Variants in SPTLC2 observed in about 807,000 individuals in gnomAD.
The protein encoded by SPTLC2 is serine palmitoyltransferase long chain base subunit 2.
In SPTLC2, 21 loss-of-function variants were observed where a neutral mutation model predicts 62.0. That is an observed-to-expected ratio of 0.34 (90% CI 0.24 to 0.49). SPTLC2 has a LOEUF of 0.49. Among genes scored for constraint, SPTLC2 ranks in the 20% least tolerant of loss-of-function variants. SPTLC2 has a pLI of 0.99. For synonymous variants in SPTLC2, 261 were observed against 261.8 expected, an observed-to-expected ratio of 1.00 and a Z score of 0.03; for missense variants, 511 against 713.0, an observed-to-expected ratio of 0.72 and a Z score of 3.23.
intron 1 of SPTLC2, among the ~76,000 whole-genome samples, chr14:77,603,286 T>C (rs1026542628): frequency 2.6e-5 from 4 of 152,244 alleles, no homozygotes; most frequent in African/African-American, 9.6e-5. Context: ...TAATGTCTAA[T>C]GTGAACCACC....
chr14:77,567,579 G>A (rs576349937), intron 5 of SPTLC2, among the ~76,000 whole-genome samples: 1 of 152,322 alleles, frequency 6.6e-6, no homozygotes, highest in South Asian at 2.1e-4. Flanking sequence ...TCCATAGGAC[G>A]TGTAGTGATG....
At chr14:77,542,962 A>G (rs2079509234) in intron 9 of SPTLC2, among the ~76,000 whole-genome samples, 1 of 152,248 alleles carries the variant, frequency 6.6e-6, no homozygotes, top group Non-Finnish European at 1.5e-5. Context: ...AGGGCCCTCC[A>G]CAAAAGGCAG....
intron 2 of SPTLC2, among the ~76,000 whole-genome samples, chr14:77,587,759 AAATAAT>A (rs59005485): frequency 1.8e-4 from 26 of 145,104 alleles, no homozygotes; most frequent in Admixed American, 8.3e-4. Flanking sequence ...CTCTGTCTCA[AAATAAT>A]AATAATAATA....
At chr14:77,568,607 G>C (rs1418154192) in intron 5 of SPTLC2, among the ~76,000 whole-genome samples, 2 of 152,086 alleles carry the variant, frequency 1.3e-5, no homozygotes, top group African/African-American at 4.8e-5. Context: ...AGGAGATCAA[G>C]ACCATCTTGG....
chr14:77,583,334 G>A (rs1463503472), intron 2 of SPTLC2, among the ~76,000 whole-genome samples: 2 of 152,104 alleles, frequency 1.3e-5, no homozygotes, highest in Admixed American at 1.3e-4. Flanking sequence ...ACTACTTGCA[G>A]TTCCAGTTCT....
At chr14:77,516,572 C>G (rs1178042854) in intron 11 of SPTLC2, among the ~76,000 whole-genome samples, 1 of 151,756 alleles carries the variant, frequency 6.6e-6, no homozygotes, top group Non-Finnish European at 1.5e-5. Context: ...AGAAATTCAC[C>G]AGTAAAATTT....
chr14:77,592,838 G>A (rs1462327660), intron 2 of SPTLC2, among the ~76,000 whole-genome samples: 2 of 152,060 alleles, frequency 1.3e-5, no homozygotes, highest in African/African-American at 2.4e-5. Flanking sequence ...GGCTAGGCAC[G>A]GTGGCTCACT....
At chr14:77,577,150 T>C (rs2079720859) in intron 3 of SPTLC2, among the ~76,000 whole-genome samples, 1 of 137,352 alleles carries the variant, frequency 7.3e-6, no homozygotes. Flanking sequence ...AATCACCTTA[T>C]CTTACAGGAC....
chr14:77,536,448 A>G (rs2079471359), intron 9 of SPTLC2, among the ~76,000 whole-genome samples: 1 of 152,032 alleles, frequency 6.6e-6, no homozygotes, highest in Non-Finnish European at 1.5e-5. Flanking sequence ...ATTGAGATAT[A>G]TATCACGTGC....
At chr14:77,539,501 T>A (rs2079488755) in intron 9 of SPTLC2, among the ~76,000 whole-genome samples, 1 of 129,248 alleles carries the variant, frequency 7.7e-6, no homozygotes, top group Non-Finnish European at 1.7e-5. Flanking sequence ...TTTTTTTTTT[T>A]TTTTTGGAGA....
intron 1 of SPTLC2, among the ~76,000 whole-genome samples, chr14:77,603,814 G>C (rs113786592): frequency 6.6e-6 from 1 of 152,152 alleles, no homozygotes; most frequent in Non-Finnish European, 1.5e-5. Flanking sequence ...CTGCCCAGGA[G>C]TTATCACACT....
Position 77,512,379 on chromosome 14 carries a change from C to T in SPTLC2, c.1594G>A (p.Gly532Arg), listed in dbSNP as rs1381210162. 6.2e-7 allele frequency: 1 copy of T among 1,614,220 alleles called. No individual in the cohort carries two copies. The highest frequency in any genetic ancestry group is 2.2e-5 in the East Asian group (1 of 44,890). The change falls in exon 12 of 12, where the codon GGG becomes AGG. Residue 532 changes from glycine (G) to arginine (R), a missense_variant. By Grantham distance (125) the Gly-to-Arg change is moderately radical. Transcript: ENST00000216484. ...DTALKEIDEV[G>R]DLLQLKYSRH... The stretch of plus-strand genomic sequence containing the variant: ...GAATACTTCAGCTGCAATAGGTCCC[C>T]AACTTCATCTATCTCCTTTAAAGCC...
At chr14:77,585,543 C>T (rs1187602697) in intron 2 of SPTLC2, among the ~76,000 whole-genome samples, 1 of 152,094 alleles carries the variant, frequency 6.6e-6, no homozygotes, top group Non-Finnish European at 1.5e-5. Flanking sequence ...ACAATCACTG[C>T]TTTGATGTTA....
intron 10 of SPTLC2, among the ~76,000 whole-genome samples, chr14:77,520,578 A>C (rs971033420): frequency 6.6e-6 from 1 of 152,178 alleles, no homozygotes; most frequent in Non-Finnish European, 1.5e-5. Flanking sequence ...TAAGCAGGTC[A>C]CTCCTTTATT....
intron 9 of SPTLC2, among the ~76,000 whole-genome samples, chr14:77,542,130 A>T (rs1200336910): frequency 1.3e-5 from 2 of 152,056 alleles, no homozygotes; most frequent in East Asian, 3.8e-4. Context: ...AAAGTGAAGA[A>T]GGAAGTAGGG....
intron 11 of SPTLC2, among the ~76,000 whole-genome samples, chr14:77,514,797 C>G (rs2079350603): frequency 6.6e-6 from 1 of 152,176 alleles, no homozygotes; most frequent in Non-Finnish European, 1.5e-5. Flanking sequence ...CTCGTTGTCT[C>G]AATCCTCACT....
At chr14:77,557,472 A>C (rs980513684) in intron 6 of SPTLC2, among the ~76,000 whole-genome samples, 1 of 152,242 alleles carries the variant, frequency 6.6e-6, no homozygotes, top group African/African-American at 2.4e-5. Flanking sequence ...TTATCGAAAA[A>C]TACAGAATCA....
intron 1 of SPTLC2, among the ~76,000 whole-genome samples, chr14:77,613,373 A>G (rs1809688399): frequency 6.6e-6 from 1 of 152,206 alleles, no homozygotes; most frequent in Non-Finnish European, 1.5e-5. Context: ...ACCTCAAATA[A>G]AGGTTTGTGC....
At chr14:77,607,629 ATTT>A (rs2079912047) in intron 1 of SPTLC2, among the ~76,000 whole-genome samples, 1 of 152,178 alleles carries the variant, frequency 6.6e-6, no homozygotes, top group South Asian at 2.1e-4. Context: ...TAATATTAGA[ATTT>A]TACTGCAAAT....
Sources: gnomAD v4.1 joint callset for allele counts (sites outside exome capture counted in the v4.1 genomes callset) on GRCh38, gnomAD v4.1.1 for gene constraint, MANE v1.5 for transcripts, NCBI Gene and HGNC (gene_info 2026-07-23, HGNC 2026-07-21) for gene names.